The following FHIT variants were observed in gnomAD, a reference collection of about 807,000 sequenced individuals.
FHIT encodes bis(5'-adenosyl)-triphosphatase.
Under a neutral mutation model 17.9 loss-of-function variants are expected in FHIT, and 19 were observed. The observed-to-expected ratio is 1.06, with a 90% CI of 0.74 to 1.56. The LOEUF is 1.56. Among genes scored for constraint, FHIT ranks in the 40% most tolerant of loss-of-function variants. The pLI is 0.00. For synonymous variants in FHIT, 81 were observed against 69.7 expected, an observed-to-expected ratio of 1.16 and a Z score of -0.81; for missense variants, 248 against 189.2, an observed-to-expected ratio of 1.31 and a Z score of -1.82.
chr3:59,801,929 A>G (rs929755866), intron 8 of FHIT, among the ~76,000 whole-genome samples: 11 of 152,188 alleles, frequency 7.2e-5, no homozygotes, highest in African/African-American at 2.4e-4. Context: ...GTCCATACCT[A>G]ATGTTCACAC....
intron 4 of FHIT, among the ~76,000 whole-genome samples, chr3:60,750,376 T>A (rs782225048): frequency 5.9e-5 from 9 of 152,204 alleles, no homozygotes; most frequent in Non-Finnish European, 1.3e-4. Context: ...ATGGTTTGGC[T>A]GTGCCTCCAC....
chr3:60,219,849 C>T (rs551425500), intron 5 of FHIT, among the ~76,000 whole-genome samples: 27 of 152,164 alleles, frequency 1.8e-4, no homozygotes, highest in African/African-American at 5.3e-4. Context: ...AGGCTTTATC[C>T]TAAAGAGGAT....
At chr3:60,451,882 T>A (rs531847195) in intron 5 of FHIT, among the ~76,000 whole-genome samples, 1 of 152,096 alleles carries the variant, frequency 6.6e-6, no homozygotes, top group Non-Finnish European at 1.5e-5. Flanking sequence ...ACTATGAAGA[T>A]GACTTAAAGA....
At chr3:60,559,003 C>T (rs180994) in intron 4 of FHIT, among the ~76,000 whole-genome samples, 34,951 of 152,084 alleles carry the variant, frequency 0.23, 4,443 homozygotes, top group Non-Finnish European at 0.29. Context: ...ATTGAAATAA[C>T]ATATTCTACG....
intron 5 of FHIT, among the ~76,000 whole-genome samples, chr3:60,450,759 G>C (rs2031683643): frequency 6.6e-6 from 1 of 152,072 alleles, no homozygotes; most frequent in African/African-American, 2.4e-5. Flanking sequence ...TGTGCAAGGA[G>C]CCATAAACCA....
At chr3:60,281,394 A>G (rs962142944) in intron 5 of FHIT, among the ~76,000 whole-genome samples, 2 of 152,148 alleles carry the variant, frequency 1.3e-5, no homozygotes, top group African/African-American at 4.8e-5. Flanking sequence ...AATATTGAAG[A>G]ACAAAGTTGA....
At chr3:60,303,426 G>A (rs560928845) in intron 5 of FHIT, among the ~76,000 whole-genome samples, 29 of 152,240 alleles carry the variant, frequency 1.9e-4, no homozygotes, top group South Asian at 6.2e-4. Context: ...CTTTGTGGAG[G>A]AGAGTAACAC....
intron 4 of FHIT, among the ~76,000 whole-genome samples, chr3:60,595,091 G>A (rs953144893): frequency 9.2e-5 from 14 of 152,160 alleles, no homozygotes; most frequent in Non-Finnish European, 1.6e-4. Flanking sequence ...GTGAGGACAG[G>A]ATATAAAGAA....
intron 5 of FHIT, among the ~76,000 whole-genome samples, chr3:60,261,644 T>C (rs894855554): frequency 5.9e-5 from 9 of 152,024 alleles, no homozygotes; most frequent in Admixed American, 4.6e-4. Context: ...ATTTAATGGA[T>C]AAGCTTGACT....
chr3:59,882,287 T>C (rs1475426050), intron 8 of FHIT, among the ~76,000 whole-genome samples: 1 of 152,174 alleles, frequency 6.6e-6, no homozygotes, highest in African/African-American at 2.4e-5. Flanking sequence ...ATAAAGTTAA[T>C]ATCGTTTATG....
chr3:60,439,170 C>T (rs890425994), intron 5 of FHIT, among the ~76,000 whole-genome samples: 2 of 152,104 alleles, frequency 1.3e-5, no homozygotes, highest in African/African-American at 4.8e-5. Context: ...TTGAAGGAAT[C>T]ATCACTGGTG....
intron 2 of FHIT, among the ~76,000 whole-genome samples, chr3:61,192,020 G>T (rs2038732270): frequency 6.6e-6 from 1 of 152,064 alleles, no homozygotes; most frequent in Non-Finnish European, 1.5e-5. Context: ...CTTTTAAAAA[G>T]GGACATATAA....
At chr3:60,679,330 A>G (rs2040694135) in intron 4 of FHIT, among the ~76,000 whole-genome samples, 1 of 152,208 alleles carries the variant, frequency 6.6e-6, no homozygotes, top group Non-Finnish European at 1.5e-5. Flanking sequence ...TTATGATTGT[A>G]GAAGTCATGT....
chr3:60,779,969 C>T (rs1449047466), intron 4 of FHIT, among the ~76,000 whole-genome samples: 3 of 152,136 alleles, frequency 2.0e-5, no homozygotes, highest in African/African-American at 2.4e-5. Flanking sequence ...ACCCCTAGGC[C>T]CCCCTGCTTC....
intron 5 of FHIT, among the ~76,000 whole-genome samples, chr3:60,141,263 G>T (rs1274464644): frequency 7.9e-5 from 12 of 151,908 alleles, no homozygotes; most frequent in Non-Finnish European, 1.5e-5. Flanking sequence ...TTACTAAAAT[G>T]GCTTCAGAGT....
intron 5 of FHIT, among the ~76,000 whole-genome samples, chr3:60,428,072 A>C: frequency 6.6e-6 from 1 of 152,182 alleles, no homozygotes; most frequent in East Asian, 1.9e-4. Flanking sequence ...TAATTTATTA[A>C]AACCTTAGTT....
chr3:60,408,263 A>G (rs1701946657), intron 5 of FHIT, among the ~76,000 whole-genome samples: 1 of 152,180 alleles, frequency 6.6e-6, no homozygotes, highest in South Asian at 2.1e-4. Context: ...CCGAGACTTG[A>G]GATGCAAATT....
intron 4 of FHIT, among the ~76,000 whole-genome samples, chr3:60,645,126 C>A (rs1373505817): frequency 1.3e-5 from 2 of 152,136 alleles, no homozygotes; most frequent in Non-Finnish European, 2.9e-5. Context: ...TCATATGCTA[C>A]TTTTCCATGA....
intron 4 of FHIT, among the ~76,000 whole-genome samples, chr3:60,567,957 A>G (rs1420027407): frequency 6.6e-6 from 1 of 152,230 alleles, no homozygotes; most frequent in Non-Finnish European, 1.5e-5. Context: ...GTCAGGAAAC[A>G]ACAGGTGCTG....
Sources: allele counts gnomAD v4.1 joint callset (sites outside exome capture counted in the v4.1 genomes callset), GRCh38; gene constraint gnomAD v4.1.1; transcripts MANE v1.5; gene names NCBI Gene and HGNC (gene_info 2026-07-23, HGNC 2026-07-21).